Variants in AFF2 observed in about 807,000 individuals in gnomAD.
The protein encoded by AFF2 is ALF transcription elongation factor 2.
AFF2 carries 14 observed loss-of-function variants against 76.9 expected under a neutral mutation model. The ratio of observed to expected loss-of-function variants is 0.18; its 90% CI spans 0.12 to 0.28. The LOEUF (loss-of-function observed/expected upper bound fraction) is 0.28, where lower values mean the gene tolerates loss of function less well. AFF2 is among the 10% of genes least tolerant of loss of function. The pLI is 1.00. For missense variants in AFF2, 868 were observed against 1,001.1 expected (o/e 0.87, Z 1.79); for synonymous variants, 398 against 366.7 (o/e 1.09, Z -0.98).
chrX:148,771,861 A>G (rs2069591911), intron 3 of AFF2, among the ~76,000 whole-genome samples: 1 of 111,891 alleles, frequency 8.9e-6, no homozygotes, highest in African/African-American at 3.2e-5. Context: ...TGTAATTTTA[A>G]GTAGGAAATT....
At chrX:148,842,861 A>G in intron 5 of AFF2, 105 bp from the exon 6 acceptor site, 1 of 613,201 alleles carries the variant, frequency 1.6e-6, no homozygotes, top group Non-Finnish European at 2.4e-6. Context: ...GCAGCTTCCT[A>G]TTTGCAAACA....
At chrX:148,819,399 C>T (rs1416466195) in intron 4 of AFF2, among the ~76,000 whole-genome samples, 11 of 111,478 alleles carry the variant, frequency 9.9e-5, no homozygotes, top group Admixed American at 8.6e-4. Flanking sequence ...TTTGCACTTA[C>T]ACCAGCCAAG....
At chrX:148,623,526 A>C (rs1399536109) in intron 1 of AFF2, among the ~76,000 whole-genome samples, 3 of 108,525 alleles carry the variant, frequency 2.8e-5, no homozygotes, top group Non-Finnish European at 5.7e-5. Flanking sequence ...GGTTTATTTT[A>C]GTCCTAATAT....
rs781864401 is a variant in AFF2 at position 148,751,132 on chromosome X, C to T, written c.1042-58744C>T. On this transcript the variant is annotated intron_variant, in intron 3 of 20. Coordinates refer to ENST00000370460, the MANE Select transcript of AFF2 (RefSeq NM_002025.4). Reference sequence around the variant, plus strand: ...CACATAAAGATACTCTGTTTAAATCCCATAAGTAATAATTCTGTGCTAACA... The same window carrying T: ...CACATAAAGATACTCTGTTTAAATCTCATAAGTAATAATTCTGTGCTAACA... Among the ~76,000 whole-genome samples, 8 of 112,076 alleles carry T rather than the reference C, an allele frequency of 7.1e-5. No individual in the cohort carries two copies. In the East Asian group the frequency reaches 2.0e-3, roughly 28 times the overall value.
chrX:148,909,061 A>T (rs1003264767), intron 9 of AFF2, among the ~76,000 whole-genome samples: 2 of 112,142 alleles, frequency 1.8e-5, no homozygotes, highest in Non-Finnish European at 3.8e-5. Flanking sequence ...CTGAAGGTTA[A>T]ACTATCAATC....
At chrX:148,650,440 T>A (rs782114675) in intron 1 of AFF2, among the ~76,000 whole-genome samples, 1 of 111,922 alleles carries the variant, frequency 8.9e-6, no homozygotes, top group East Asian at 2.8e-4. Flanking sequence ...TGGCTTTGGG[T>A]AGGACTCTGA....
intron 12 of AFF2, among the ~76,000 whole-genome samples, 159 bp from the exon 13 acceptor site, chrX:148,962,556 T>A (rs1034625447): frequency 2.6e-4 from 29 of 112,075 alleles, no homozygotes; most frequent in African/African-American, 9.4e-4. Context: ...TAAAGATATC[T>A]ATATCTATGT....
At chrX:148,695,734 G>T (rs1557261214) in intron 3 of AFF2, among the ~76,000 whole-genome samples, 1 of 112,290 alleles carries the variant, frequency 8.9e-6, no homozygotes, top group African/African-American at 3.2e-5. Flanking sequence ...TCACATGGTG[G>T]TCTGTAATAA....
intron 12 of AFF2, among the ~76,000 whole-genome samples, chrX:148,961,092 G>T (rs1231959440): frequency 3.6e-5 from 4 of 112,038 alleles, no homozygotes; most frequent in Non-Finnish European, 7.5e-5. Context: ...TGGCAGACAG[G>T]CAGGCATTGC....
At chrX:148,874,780 T>A (rs1025969283) in intron 7 of AFF2, among the ~76,000 whole-genome samples, 1 of 111,602 alleles carries the variant, frequency 9.0e-6, no homozygotes, top group African/African-American at 3.3e-5. Flanking sequence ...GTGGCAGTGC[T>A]AAGATGATGG....
intron 3 of AFF2, among the ~76,000 whole-genome samples, chrX:148,739,232 T>C (rs1232664385): frequency 8.9e-6 from 1 of 111,778 alleles, no homozygotes; most frequent in Non-Finnish European, 1.9e-5. Context: ...TCCCCCACTA[T>C]TATTGTGTTG....
chrX:148,955,515 G>A (rs41312785), intron 10 of AFF2, 88 bp from the exon 11 acceptor site: 2 of 994,865 alleles, frequency 2.0e-6, no homozygotes, highest in Non-Finnish European at 1.4e-6. Flanking sequence ...GACATCCAAA[G>A]CTTTTAGTAG....
chrX:148,985,285 C>CTTTTTTTT lies in AFF2; in HGVS notation c.3624-2055_3624-2048dup, dbSNP rs151339705. Among the ~76,000 whole-genome samples, 71 of 15,383 alleles carry CTTTTTTTT rather than the reference C, an allele frequency of 4.6e-3. 27 individuals carry two copies. The highest frequency in any genetic ancestry group is 0.029 in the East Asian group (10 of 347). 13.4% of individuals were successfully genotyped at this position (15,383 alleles called of 115,157 possible). A position where few individuals can be genotyped will look rare whatever the true frequency, so the allele number is the denominator to read the frequency against. On this transcript the variant is annotated intron_variant, in intron 19 of 20. Coordinates refer to ENST00000370460, the MANE Select transcript of AFF2 (RefSeq NM_002025.4). ...ACAGGCATGAGCCCCTGTGCCTGGC[C>CTTTTTTTT]TTTTTTTTTTTTTTTTTTTTTTTTT...
intron 9 of AFF2, among the ~76,000 whole-genome samples, chrX:148,927,969 A>T (rs781889154): frequency 8.9e-6 from 1 of 111,977 alleles, no homozygotes; most frequent in African/African-American, 3.2e-5. Flanking sequence ...GAAGATACAG[A>T]TGGTATCCAA....
intron 9 of AFF2, among the ~76,000 whole-genome samples, chrX:148,908,866 A>G (rs1333279623): frequency 1.8e-5 from 2 of 112,085 alleles, no homozygotes; most frequent in Non-Finnish European, 3.8e-5. Context: ...ACACAGCCAC[A>G]CTCATTCATT....
At chrX:148,958,155 C>T (rs2072063688) in intron 11 of AFF2, among the ~76,000 whole-genome samples, 182 bp from the exon 12 acceptor site, 2 of 111,942 alleles carry the variant, frequency 1.8e-5, no homozygotes, top group Admixed American at 1.9e-4. Context: ...CTTTGTAGGA[C>T]TCGGCTAGGC....
intron 1 of AFF2, among the ~76,000 whole-genome samples, chrX:148,617,575 T>C (rs1175984369): frequency 8.9e-6 from 1 of 112,352 alleles, no homozygotes; most frequent in Non-Finnish European, 1.9e-5. Flanking sequence ...TTAGTTGAAT[T>C]AGATCCCATT....
chrX:148,694,709 G>A (rs919082561), intron 3 of AFF2, among the ~76,000 whole-genome samples: 2 of 109,756 alleles, frequency 1.8e-5, no homozygotes, highest in Admixed American at 9.7e-5. Context: ...AAAATTACTT[G>A]ATTAACCTTT....
chrX:148,893,005 CT>C (rs2071241204), intron 8 of AFF2, among the ~76,000 whole-genome samples: 2 of 111,948 alleles, frequency 1.8e-5, no homozygotes, highest in Non-Finnish European at 3.8e-5. Context: ...TTGATAGAGT[CT>C]TTTAATGTAA....
Sources: allele counts gnomAD v4.1 joint callset (sites outside exome capture counted in the v4.1 genomes callset), GRCh38; gene constraint gnomAD v4.1.1; transcripts MANE v1.5; gene names NCBI Gene and HGNC (gene_info 2026-07-23, HGNC 2026-07-21).